Variants in ALOX12B observed in about 807,000 individuals in gnomAD.
ALOX12B encodes arachidonate 12-lipoxygenase, 12R type, also known as arachidonate 12-lipoxygenase, 12R-type.
ALOX12B carries 47 observed loss-of-function variants against 78.9 expected under a neutral mutation model. The observed-to-expected ratio is 0.60, with a 90% CI of 0.47 to 0.76. The LOEUF (loss-of-function observed/expected upper bound fraction) is 0.76. Among genes scored for constraint, ALOX12B ranks in the 30% least tolerant of loss-of-function variants. The pLI is 0.00. For synonymous variants in ALOX12B, 370 were observed against 374.5 expected, an observed-to-expected ratio of 0.99 and a Z score of 0.14; for missense variants, 805 against 922.6, an observed-to-expected ratio of 0.87 and a Z score of 1.65.
At chr17:8,081,617 A>T in intron 2 of ALOX12B, 1 of 252,090 alleles carries the variant, frequency 4.0e-6, no homozygotes. Context: ...GAGAGTCTCC[A>T]TTGTCTATTG....
rs1977092732 is a variant in ALOX12B, at chr17:8,076,738, G to A, written c.1281C>T (p.Leu427=). ...LPMCHPLYKL[L]IPHTRYTVQI... is the part of the protein sequence containing the mutation. ...GGACGGTGTATCGGGTATGGGGGAT[G>A]AGGAGCTGTGGGGAGAGCAAGGAGG... Residue 427 remains leucine, a synonymous_variant, in exon 10 of 15, where the codon CTC becomes CTT. Transcript: ENST00000647874. 4 of 1,550,268 alleles carry A rather than the reference G, an allele frequency of 2.6e-6. No homozygotes were observed. In the South Asian group the frequency reaches 3.6e-5, roughly 14 times the overall value.
Position 8,076,336 on chromosome 17 carries a change from G to A in ALOX12B, c.1371C>T (p.Ser457=), listed in dbSNP as rs1977081088. 1.9e-6 allele frequency: 3 copies of A among 1,603,362 alleles called. No homozygotes were observed. The highest frequency in any genetic ancestry group is 2.2e-5 in the East Asian group (1 of 44,526). ...CCCCAGCAAAGCCTTCCACGCCCAG[G>A]GACATGCCCTGTGAGGAAGGAGGCA... is the stretch of plus-strand genomic sequence containing the variant. The part of the protein sequence containing the change: ...NEGGLSAKGM[S]LGVEGFAGVM... The change falls in exon 11 of 15, where the codon TCC becomes TCT. Residue 457 remains serine, a synonymous_variant. Coordinates refer to ENST00000647874, the MANE Select transcript of ALOX12B (RefSeq NM_001139.3).
chr17:8,082,503 C>T (rs945089791), intron 2 of ALOX12B, among the ~76,000 whole-genome samples: 7 of 152,176 alleles, frequency 4.6e-5, no homozygotes, highest in Non-Finnish European at 1.0e-4. Context: ...TGGACAGACG[C>T]GCAGGCTCCT....
In ALOX12B at chr17:8,075,443, G is replaced by A. The variant is rs375123223; in HGVS notation, c.1654+152C>T. 2.4e-6 allele frequency: 3 copies of A among 1,259,274 alleles called. No homozygotes were observed. In the East Asian group the frequency reaches 7.2e-5, roughly 30 times the overall value. The allele number at this position is 1,259,274 out of a possible 1,614,324, so 78.0% of individuals were successfully genotyped here. A position where few individuals can be genotyped will look rare whatever the true frequency, so the allele number is the denominator to read the frequency against. On this transcript the variant is annotated intron_variant, in intron 12 of 14. Transcript: ENST00000647874. ...TGCCACTGCTCCAGGGGCCAGAGAA[G>A]AGCCTGTCAAAATCCTAGGGCAGCA...
rs1194698841 is a variant in ALOX12B at position 8,075,471 on chromosome 17, T to C, written c.1654+124A>G. ...CCTGTCAAAATCCTAGGGCAGCAAT[T>C]TGGTCTCCTTCAGTCTACAATAAAA... On this transcript the variant is annotated intron_variant, in intron 12 of 14. Transcript: ENST00000647874. 2.7e-6 allele frequency: 4 copies of C among 1,490,328 alleles called. No individual in the cohort carries two copies. The African/African-American group carries it at 5.5e-5, about 21-fold the overall frequency. 92.3% of individuals were successfully genotyped at this position (1,490,328 alleles called of 1,614,324 possible).
chr17:8,081,137 C>T lies in ALOX12B; in HGVS notation c.403G>A (p.Glu135Lys). Residue 135 changes from glutamate to lysine, a missense_variant, in exon 3 of 15, where the codon GAG becomes AAG. Glu to Lys is a moderately conservative substitution (Grantham distance 56). Coordinates refer to ENST00000647874, the MANE Select transcript of ALOX12B (RefSeq NM_001139.3). Reference protein sequence around the residue: ...SLPVLLEHRKEEIRAKQDFYH... With the variant: ...SLPVLLEHRKKEIRAKQDFYH... ...AAGTCCTGCTTGGCTCTGATCTCCTCTTTTCTGTGCTCCAGGAGGACGGGG... is the reference window on the plus strand; with the variant it reads ...AAGTCCTGCTTGGCTCTGATCTCCTTTTTTCTGTGCTCCAGGAGGACGGGG... 1.2e-6 allele frequency: 2 copies of T among 1,613,902 alleles called. No homozygotes were observed. Among genetic ancestry groups the T allele is most frequent in the Non-Finnish European group, 1.7e-6 (2 of 1,179,998 alleles).
At position 8,086,002 on chromosome 17, in the gene ALOX12B, T is replaced by C; in HGVS notation, c.352+14A>G. The C allele has an allele frequency of 6.2e-7, 1 of 1,613,326 alleles. No homozygotes were observed. The highest frequency in any genetic ancestry group is 8.5e-7 in the Non-Finnish European group (1 of 1,179,582). ...CTCACGGCCATAGGATGGAGCAGGG[T>C]GATGAGGGCTTACCTGTGGCCTCCC... On this transcript the variant is annotated intron_variant, in intron 2 of 14. Coordinates refer to ENST00000647874, the MANE Select transcript of ALOX12B (RefSeq NM_001139.3).
At chr17:8,081,486 G>A (rs1409132773) in intron 2 of ALOX12B, 2 of 470,376 alleles carry the variant, frequency 4.3e-6, no homozygotes, top group Non-Finnish European at 8.1e-6. Context: ...GAGTACAAGA[G>A]CAATGTTGTT....
chr17:8,073,909 G>T, intron 12 of ALOX12B, 152 bp from the exon 13 acceptor site: 1 of 707,582 alleles, frequency 1.4e-6, no homozygotes, highest in Non-Finnish European at 2.6e-6. Flanking sequence ...ACCCTCCTAT[G>T]GCAGCAACCC....
rs764267552 is a variant in ALOX12B, at chr17:8,080,272, A to T, written c.717T>A (p.Ile239=). ...ATTTCTTGCCAGGGAAAATTTTCCTAATGTCCTTCAGCCTCTTCCACGAAT... is the reference window on the plus strand; with the variant it reads ...ATTTCTTGCCAGGGAAAATTTTCCTTATGTCCTTCAGCCTCTTCCACGAAT... ...CKHSWKRLKD[I]RKIFPGKKSV... The change falls in exon 6 of 15, where the codon ATT becomes ATA. Residue 239 remains isoleucine, a synonymous_variant. Coordinates refer to ENST00000647874, the MANE Select transcript of ALOX12B (RefSeq NM_001139.3). The surrounding 1 kb of genome is among the most constrained non-coding windows in gnomAD (Gnocchi z 4.8). The T allele has an allele frequency of 6.2e-7, 1 of 1,614,172 alleles. No homozygotes were observed. Among genetic ancestry groups the T allele is most frequent in the Admixed American group, 1.7e-5 (1 of 60,022 alleles).
rs1296692599 is a variant in ALOX12B, at chr17:8,080,742, T to C, written c.566A>G (p.Asn189Ser). Residue 189 changes from asparagine (N) to serine (S), a missense_variant, in exon 5 of 15, where the codon AAC (asparagine) becomes AGC (serine). Asn to Ser is a conservative substitution (Grantham distance 46). Transcript: ENST00000647874. This position sits in a 1 kb window ranked among gnomAD's most constrained non-coding sequence, Gnocchi z 4.8. ...GTTCAGGAACTTGGTGGCCTTAAAGTTGATGAGAATTGGGAATCCCGGAAT... is the reference window on the plus strand; with the variant it reads ...GTTCAGGAACTTGGTGGCCTTAAAGCTGATGAGAATTGGGAATCCCGGAAT... ...GYIPGFPILI[N>S]FKATKFLNLN... 6.2e-7 allele frequency: 1 copy of C among 1,614,064 alleles called. No individual in the cohort carries two copies. Among genetic ancestry groups the C allele is most frequent in the Non-Finnish European group, 8.5e-7 (1 of 1,180,028 alleles).
chr17:8,079,993 C>G lies in ALOX12B; in HGVS notation c.755-52G>C. On this transcript the variant is annotated intron_variant, in intron 6 of 14. Coordinates refer to ENST00000647874, the MANE Select transcript of ALOX12B (RefSeq NM_001139.3). This position sits in a 1 kb window ranked among gnomAD's most constrained non-coding sequence, Gnocchi z 6.4. ...AAGGAGGCCCGGCCCCCCTCGGGGA[C>G]GGAGAGGCATGGGACAGAAGAAGAC... is the stretch of plus-strand genomic sequence containing the variant. 6.3e-7 allele frequency: 1 copy of G among 1,587,414 alleles called. No individual in the cohort carries two copies. Among genetic ancestry groups the G allele is most frequent in the Non-Finnish European group, 8.6e-7 (1 of 1,166,582 alleles).
chr17:8,081,167 A>C lies in ALOX12B; in HGVS notation c.373T>G (p.Ser125Ala). Reference protein sequence around the residue: ...EATGKTTADDSLPVLLEHRKE... With the variant: ...EATGKTTADDALPVLLEHRKE... Reference sequence around the variant, plus strand: ...CTGTGCTCCAGGAGGACGGGGAGCGAGTCATCTGCTGTTGTCTTTCCTGTA... The same window carrying C: ...CTGTGCTCCAGGAGGACGGGGAGCGCGTCATCTGCTGTTGTCTTTCCTGTA... Residue 125 changes from serine to alanine, a missense_variant, in exon 3 of 15, where the codon TCG becomes GCG. Ser to Ala is a moderately conservative substitution (Grantham distance 99, BLOSUM62 1). Coordinates refer to ENST00000647874, the MANE Select transcript of ALOX12B (RefSeq NM_001139.3). 1 of 1,613,822 alleles carries C rather than the reference A, an allele frequency of 6.2e-7. No homozygotes were observed. The highest frequency in any genetic ancestry group is 1.3e-5 in the African/African-American group (1 of 74,928).
At chr17:8,081,290 C>A in intron 2 of ALOX12B, 103 bp from the exon 3 acceptor site, 2 of 1,193,886 alleles carry the variant, frequency 1.7e-6, no homozygotes, top group South Asian at 2.5e-5. Context: ...TCTGGGGGGG[C>A]CCATGACCAA....
In ALOX12B at chr17:8,087,407, G is replaced by A. The variant is rs746947962; in HGVS notation, c.36C>T (p.Thr12=). ...AGTCCCGTGTTCCCGACAAGAGGTC[G>A]GTGCCTGTGGCCACCCTGACTTTGT... ...ATYKVRVATG[T]DLLSGTRDSI... is the part of the protein sequence containing the mutation. The change falls in exon 1 of 15, where the codon ACC becomes ACT. Residue 12 remains threonine (T), a synonymous_variant. Coordinates refer to ENST00000647874, the MANE Select transcript of ALOX12B (RefSeq NM_001139.3). The A allele has an allele frequency of 5.0e-6, 8 of 1,614,186 alleles. No individual in the cohort carries two copies. The highest frequency in any genetic ancestry group is 1.7e-5 in the Admixed American group (1 of 60,014).
Position 8,080,889 on chromosome 17 carries a change from C to T in ALOX12B, c.522G>A (p.Arg174=), listed in dbSNP as rs758794951. 1.2e-6 allele frequency: 2 copies of T among 1,613,966 alleles called. No individual in the cohort carries two copies. The highest frequency in any genetic ancestry group is 1.1e-5 in the South Asian group (1 of 91,090). Residue 174 remains arginine, a synonymous_variant, in exon 4 of 15, where the codon CGG becomes CGA. Transcript: ENST00000647874. The surrounding 1 kb of genome is among the most constrained non-coding windows in gnomAD (Gnocchi z 4.8). ...PPVRRHRNPN[R]PEWNGYIPGF... ...GCACAGCTTCGGGTCCTTACTCAGGCCGGTTGGGGTTGCGATGCCTCCGCA... is the reference window on the plus strand; with the variant it reads ...GCACAGCTTCGGGTCCTTACTCAGGTCGGTTGGGGTTGCGATGCCTCCGCA...
intron 10 of ALOX12B, 107 bp downstream of exon 10, chr17:8,076,550 G>T: frequency 7.4e-7 from 1 of 1,350,682 alleles, no homozygotes; most frequent in Non-Finnish European, 1.0e-6. Context: ...CTCCCTTCAT[G>T]CCCCCTCATG....
In ALOX12B at chr17:8,077,045, T is replaced by A; in HGVS notation, c.1220A>T (p.Glu407Val). ...CCTCAGCAAGGCCAGGCAGAAGGCC[T>A]CAGCAATGAGGTGTGTCTCCAGCAG... ...AHLLETHLIAEAFCLALLRNL... is the reference protein window; with the variant it reads ...AHLLETHLIAVAFCLALLRNL... Residue 407 changes from glutamate (E) to valine (V), a missense_variant, in exon 9 of 15, where the codon GAG becomes GTG. Transcript: ENST00000647874. 1 of 1,614,034 alleles carries A rather than the reference T, an allele frequency of 6.2e-7. No homozygotes were observed. Among genetic ancestry groups the A allele is most frequent in the East Asian group, 2.2e-5 (1 of 44,880 alleles).
intron 2 of ALOX12B, among the ~76,000 whole-genome samples, chr17:8,084,235 C>G (rs1298593960): frequency 1.3e-5 from 2 of 152,208 alleles, no homozygotes; most frequent in African/African-American, 4.8e-5. Context: ...CCGTCTTTCT[C>G]CAGCACCCTG....
Sources: allele counts gnomAD v4.1 joint callset (sites outside exome capture counted in the v4.1 genomes callset), GRCh38; gene constraint gnomAD v4.1.1; non-coding constraint Gnocchi (gnomAD v3.1); transcripts MANE v1.5; gene names NCBI Gene and HGNC (gene_info 2026-07-23, HGNC 2026-07-21).